Variants in SYNE1 observed in about 807,000 individuals in gnomAD.
The protein encoded by SYNE1 is spectrin repeat containing nuclear envelope protein 1.
Under a neutral mutation model 1,111.0 loss-of-function variants are expected in SYNE1, and 616 were observed. The ratio of observed to expected loss-of-function variants is 0.55; its 90% CI spans 0.52 to 0.59. SYNE1 has a LOEUF of 0.59. SYNE1 is among the 20% of genes least tolerant of loss of function. SYNE1 has a pLI of 0.00. For synonymous variants in SYNE1, 3,855 were observed against 3,825.8 expected, an observed-to-expected ratio of 1.01 and a Z score of -0.28; for missense variants, 10,006 against 10,417.0, an observed-to-expected ratio of 0.96 and a Z score of 1.72.
At chr6:152,145,543 G>T (rs745476168) in intron 137 of SYNE1, 5 of 1,614,032 alleles carry the variant, frequency 3.1e-6, no homozygotes, top group Non-Finnish European at 4.2e-6. Flanking sequence ...AGGGCTTTCG[G>T]GGATCATTAC....
intron 59 of SYNE1, among the ~76,000 whole-genome samples, chr6:152,370,656 G>A (rs1457154021): frequency 2.0e-5 from 3 of 152,170 alleles, no homozygotes; most frequent in South Asian, 2.1e-4. Flanking sequence ...GTAGGTGGAC[G>A]TGAATGTGAA....
chr6:152,150,611 A>G (rs1270551903), intron 135 of SYNE1, among the ~76,000 whole-genome samples: 1 of 152,240 alleles, frequency 6.6e-6, no homozygotes, highest in Non-Finnish European at 1.5e-5. Flanking sequence ...TTCTTTAAAA[A>G]AATCCATCTA....
chr6:152,296,213 T>G (rs762750942), intron 93 of SYNE1, among the ~76,000 whole-genome samples: 1 of 152,208 alleles, frequency 6.6e-6, no homozygotes, highest in Non-Finnish European at 1.5e-5. Context: ...TCAATAGCAC[T>G]GACAAACCCT....
intron 125 of SYNE1, among the ~76,000 whole-genome samples, chr6:152,206,590 C>CT (rs1223220836): frequency 6.6e-5 from 10 of 152,180 alleles, no homozygotes; most frequent in Non-Finnish European, 1.0e-4. Context: ...GATAACCACT[C>CT]TTTAAGATTG....
At chr6:152,194,736 C>G (rs1045284084) in intron 127 of SYNE1, among the ~76,000 whole-genome samples, 6 of 152,060 alleles carry the variant, frequency 3.9e-5, no homozygotes, top group African/African-American at 1.4e-4. Flanking sequence ...TAGCTTACTT[C>G]AAGCTCACGA....
At chr6:152,178,292 T>C (rs1378145538) in intron 129 of SYNE1, among the ~76,000 whole-genome samples, 1 of 152,144 alleles carries the variant, frequency 6.6e-6, no homozygotes, top group Non-Finnish European at 1.5e-5. Flanking sequence ...ATTTATTCTA[T>C]AGCAAATTTT....
intron 140 of SYNE1, among the ~76,000 whole-genome samples, chr6:152,139,706 G>GGAAAGA (rs2058013039): frequency 4.2e-5 from 2 of 47,742 alleles, no homozygotes; most frequent in African/African-American, 2.2e-4. Context: ...AAGAGAAAAA[G>GGAAAGA]AAAAGAAAGA....
chr6:152,271,229 TGTTTC>T (rs1271583965), intron 98 of SYNE1, among the ~76,000 whole-genome samples: 1 of 152,240 alleles, frequency 6.6e-6, no homozygotes, highest in African/African-American at 2.4e-5. Flanking sequence ...TTTACCTTTC[TGTTTC>T]TTCTTTTTTT....
chr6:152,416,345 C>T (rs759175005), intron 41 of SYNE1, 42 bp downstream of exon 41: 2 of 1,610,308 alleles, frequency 1.2e-6, no homozygotes, highest in Non-Finnish European at 1.7e-6. Flanking sequence ...AGAACAAATA[C>T]AAAAGAAAAG....
At chr6:152,263,863 T>A (rs1353533772) in intron 100 of SYNE1, among the ~76,000 whole-genome samples, 1 of 152,106 alleles carries the variant, frequency 6.6e-6, no homozygotes, top group Non-Finnish European at 1.5e-5. Context: ...AGAGAATACA[T>A]GCATAAGGCC....
chr6:152,472,364 T>C lies in SYNE1; in HGVS notation c.1400A>G (p.Tyr467Cys), dbSNP rs748750719. Residue 467 changes from tyrosine to cysteine, a missense_variant, in exon 15 of 146, where the codon TAC becomes TGC. Tyr to Cys is a radical substitution (Grantham distance 194). This residue lies in a region of SYNE1 where 1,971 missense variants were observed against 2,084.1 expected (regional missense o/e 0.95). Coordinates refer to ENST00000367255, the MANE Select transcript of SYNE1 (RefSeq NM_182961.4). ...DAHKRAFHEIYRTRSVNGIPV... is the reference protein window; with the variant it reads ...DAHKRAFHEICRTRSVNGIPV... ...AATCCCGTTAACAGACCTGGTCCGG[T>C]AGATTTCATGGAATGCTCTTTTGTG... 2.5e-6 allele frequency: 4 copies of C among 1,613,920 alleles called. No homozygotes were observed. Among genetic ancestry groups the C allele is most frequent in the African/African-American group, 1.3e-5 (1 of 74,872 alleles).
At chr6:152,414,808 C>T (rs921380625) in intron 41 of SYNE1, among the ~76,000 whole-genome samples, 3 of 149,572 alleles carry the variant, frequency 2.0e-5, no homozygotes, top group Non-Finnish European at 3.0e-5. Flanking sequence ...ACCAATGATA[C>T]TGCTGGCATC....
intron 104 of SYNE1, among the ~76,000 whole-genome samples, chr6:152,253,826 T>TTTTTTTGTTTTG (rs2090087684): frequency 1.7e-5 from 1 of 57,266 alleles, no homozygotes; most frequent in Non-Finnish European, 2.9e-5. Flanking sequence ...TGGTTTTTTT[T>TTTTTTTGTTTTG]TTTTTTTTTT....
Position 152,331,400 on chromosome 6 carries a change from CAG to C in SYNE1, c.13283_13284del (p.Ser4428Ter), listed in dbSNP as rs1393796768. 6.2e-7 allele frequency: 1 copy of C among 1,614,046 alleles called. No individual in the cohort carries two copies. The highest frequency in any genetic ancestry group is 1.7e-5 in the Admixed American group (1 of 60,000). ...AGACAATTCACGTGGCTTTGTGCAT[CAG>C]AGAGAGCCTTCTGGATGACCTGTCG... is the stretch of plus-strand genomic sequence containing the variant. ...NERQVIQKALSDAQSHVNCLS... is the reference protein window; with the variant it reads ...NERQVIQKALXDAQSHVNCLS... On this transcript the variant is annotated frameshift_variant, in exon 78 of 146. Transcript: ENST00000367255. LOFTEE classifies it high-confidence loss of function.
chr6:152,124,690 G>T (rs992538195), intron 145 of SYNE1, among the ~76,000 whole-genome samples: 1 of 48,890 alleles, frequency 2.0e-5, no homozygotes, highest in South Asian at 7.3e-4. Flanking sequence ...CTAATAAGCT[G>T]AGGGAAAAAA....
intron 127 of SYNE1, among the ~76,000 whole-genome samples, chr6:152,198,995 A>AAAC (rs1554537848): frequency 2.0e-5 from 3 of 151,274 alleles, no homozygotes; most frequent in Non-Finnish European, 4.4e-5. Flanking sequence ...AAAAAAAAAA[A>AAAC]AAAAAACCAA....
chr6:152,590,643 C>T (rs1026336772), intron 3 of SYNE1, among the ~76,000 whole-genome samples: 5 of 152,076 alleles, frequency 3.3e-5, no homozygotes, highest in Non-Finnish European at 7.4e-5. Flanking sequence ...TTGTCTGTCA[C>T]TGATCACTAA....
intron 27 of SYNE1, 95 bp from the exon 28 acceptor site, chr6:152,449,736 A>C: frequency 1.0e-6 from 1 of 971,602 alleles, no homozygotes; most frequent in South Asian, 1.4e-5. Context: ...GAAATTTAAC[A>C]ATTAAGTGAT....
rs375262506 is a variant in SYNE1, at chr6:152,176,373, A to G, written c.23627+21T>C. On this transcript the variant is annotated intron_variant, in intron 130 of 145. Coordinates refer to ENST00000367255, the MANE Select transcript of SYNE1 (RefSeq NM_182961.4). ...TTAAAATACTGCCCACACGTGCCCT[A>G]TTGACTCAGGTCCTCTTTACCTGGC... 11 of 1,613,770 alleles carry G rather than the reference A, an allele frequency of 6.8e-6. No homozygotes were observed. In the African/African-American group the frequency reaches 1.2e-4, roughly 18 times the overall value.
Sources: allele counts gnomAD v4.1 joint callset (sites outside exome capture counted in the v4.1 genomes callset), GRCh38; gene constraint gnomAD v4.1.1; regional missense constraint gnomAD v4.1.1; transcripts MANE v1.5; gene names NCBI Gene and HGNC (gene_info 2026-07-23, HGNC 2026-07-21).